Variants in SPARCL1 observed in about 807,000 individuals in gnomAD.
SPARCL1 encodes SPARC-like protein 1.
Under a neutral mutation model 67.1 loss-of-function variants are expected in SPARCL1, and 52 were observed. That is an observed-to-expected ratio of 0.78 (90% confidence interval 0.62 to 0.98). The LOEUF (loss-of-function observed/expected upper bound fraction) is 0.98, where lower values mean the gene tolerates loss of function less well. SPARCL1 is among the 50% of genes least tolerant of loss of function. The pLI, the probability that SPARCL1 is intolerant of heterozygous loss-of-function variation, is 0.00. For synonymous variants in SPARCL1, 226 were observed against 267.8 expected (o/e 0.84, Z 1.52); for missense variants, 717 against 782.4 (o/e 0.92, Z 1.00).
chr4:87,500,197 A>C (rs990956340), intron 1 of SPARCL1, among the ~76,000 whole-genome samples: 1 of 152,170 alleles, frequency 6.6e-6, no homozygotes, highest in Non-Finnish European at 1.5e-5. Context: ...CTGACCTCTT[A>C]GCAACAACAG....
At chr4:87,522,332 A>G (rs1039334659) in intron 1 of SPARCL1, among the ~76,000 whole-genome samples, 1 of 151,954 alleles carries the variant, frequency 6.6e-6, no homozygotes, top group East Asian at 1.9e-4. Flanking sequence ...ACCTACCACC[A>G]TAAGAGTCTG....
intron 1 of SPARCL1, among the ~76,000 whole-genome samples, chr4:87,502,231 A>G (rs1578106972): frequency 2.0e-5 from 3 of 152,330 alleles, no homozygotes; most frequent in Admixed American, 2.0e-4. Context: ...CATATAATGT[A>G]TAGTGATCAG....
intron 1 of SPARCL1, among the ~76,000 whole-genome samples, chr4:87,523,420 A>G (rs2110268458): frequency 6.6e-6 from 1 of 152,344 alleles, no homozygotes; most frequent in Middle Eastern, 3.4e-3. Flanking sequence ...AGTTTTAGAA[A>G]GCCACACTTA....
At chr4:87,524,965 C>T (rs1219236521) in intron 1 of SPARCL1, among the ~76,000 whole-genome samples, 1 of 152,022 alleles carries the variant, frequency 6.6e-6, no homozygotes, top group Non-Finnish European at 1.5e-5. Context: ...GAGTTTGAGA[C>T]CAGCCTGGCC....
intron 1 of SPARCL1, among the ~76,000 whole-genome samples, chr4:87,511,964 TCTC>T: frequency 8.5e-6 from 1 of 117,924 alleles, no homozygotes; most frequent in African/African-American, 3.6e-5. Context: ...CCTCTTTCTT[TCTC>T]TTTTTTTTTT....
intron 1 of SPARCL1, among the ~76,000 whole-genome samples, chr4:87,502,000 G>A (rs1181761686): frequency 1.4e-5 from 2 of 147,432 alleles, no homozygotes; most frequent in African/African-American, 5.0e-5. Context: ...ATAGGGTTTC[G>A]CCATGATACC....
At position 87,516,961 on chromosome 4, in the gene SPARCL1, A is replaced by G. The variant is rs2169500; in HGVS notation, c.-12+12084T>C. Among the ~76,000 whole-genome samples the G allele has an allele frequency of 5.3e-3, 809 of 152,134 alleles. 6 individuals carry two copies. Among genetic ancestry groups the G allele is most frequent in the African/African-American group, 0.018 (765 of 41,484 alleles). On this transcript the variant is annotated intron_variant, in intron 1 of 10. Transcript: ENST00000282470. ...AGATGGGATGGATCCATCCAGGGAGACAGTTGCCTGTTCTTTTTCTCAGAC... is the reference window on the plus strand; with the variant it reads ...AGATGGGATGGATCCATCCAGGGAGGCAGTTGCCTGTTCTTTTTCTCAGAC...
intron 1 of SPARCL1, among the ~76,000 whole-genome samples, chr4:87,509,028 CTATA>C (rs1022178121): frequency 1.4e-5 from 2 of 147,010 alleles, no homozygotes; most frequent in African/African-American, 5.0e-5. Context: ...ATACATGTAT[CTATA>C]TATGTATTAT....
At chr4:87,520,035 T>C (rs749857472) in intron 1 of SPARCL1, among the ~76,000 whole-genome samples, 1 of 151,836 alleles carries the variant, frequency 6.6e-6, no homozygotes, top group Non-Finnish European at 1.5e-5. Context: ...AGGCCAGAAG[T>C]TCAAGACCAG....
intron 1 of SPARCL1, among the ~76,000 whole-genome samples, chr4:87,517,084 A>G (rs145856100): frequency 1.5e-3 from 223 of 152,302 alleles, no homozygotes; most frequent in African/African-American, 5.3e-3. Context: ...CTCAAGTCCT[A>G]CTATGGTATC....
chr4:87,496,736 A>G (rs1346681630), intron 2 of SPARCL1, among the ~76,000 whole-genome samples: 1 of 152,204 alleles, frequency 6.6e-6, no homozygotes, highest in Admixed American at 6.5e-5. Context: ...TATTAGAGAG[A>G]TACTCTGGAC....
At chr4:87,503,239 C>G (rs938064813) in intron 1 of SPARCL1, among the ~76,000 whole-genome samples, 1 of 152,208 alleles carries the variant, frequency 6.6e-6, no homozygotes, top group Non-Finnish European at 1.5e-5. Flanking sequence ...ATTTCAGCCT[C>G]TATCCTCACC....
At chr4:87,480,045 T>C (rs916736612) in intron 9 of SPARCL1, among the ~76,000 whole-genome samples, 2 of 151,952 alleles carry the variant, frequency 1.3e-5, no homozygotes, top group African/African-American at 2.4e-5. Context: ...TTTTTTTTAA[T>C]GAATATTACA....
At chr4:87,501,847 A>G (rs1323226683) in intron 1 of SPARCL1, among the ~76,000 whole-genome samples, 1 of 152,044 alleles carries the variant, frequency 6.6e-6, no homozygotes, top group Non-Finnish European at 1.5e-5. Context: ...AATTTATATT[A>G]GTTAAATATC....
At chr4:87,481,404 C>T (rs1477192773) in intron 8 of SPARCL1, among the ~76,000 whole-genome samples, 1 of 152,170 alleles carries the variant, frequency 6.6e-6, no homozygotes, top group East Asian at 1.9e-4. Context: ...CTCCAGCTGC[C>T]ACCCCATTTC....
At chr4:87,485,866 G>C (rs1421309391) in intron 7 of SPARCL1, among the ~76,000 whole-genome samples, 3 of 152,132 alleles carry the variant, frequency 2.0e-5, no homozygotes, top group African/African-American at 7.2e-5. Context: ...GGTGTTTATA[G>C]TATTCTCTGA....
intron 2 of SPARCL1, chr4:87,497,216 C>T: frequency 1.0e-6 from 1 of 985,240 alleles, no homozygotes. Flanking sequence ...TGGTTTGCTC[C>T]TTTGCTTCTT....
intron 2 of SPARCL1, among the ~76,000 whole-genome samples, chr4:87,495,725 T>A (rs1724588008): frequency 6.6e-6 from 1 of 151,082 alleles, no homozygotes; most frequent in Non-Finnish European, 1.5e-5. Context: ...AGGGCAGGAG[T>A]TCAAGACTAG....
intron 8 of SPARCL1, among the ~76,000 whole-genome samples, chr4:87,480,820 C>CCTTTTTTTTTTT (rs59503255): frequency 7.5e-6 from 1 of 133,384 alleles, no homozygotes; most frequent in Non-Finnish European, 1.7e-5. Context: ...ATGTTCGCTG[C>CCTTTTTTTTTTT]TTTTTTTTTT....
Sources: allele counts gnomAD v4.1 joint callset (sites outside exome capture counted in the v4.1 genomes callset), GRCh38; gene constraint gnomAD v4.1.1; transcripts MANE v1.5; gene names NCBI Gene and HGNC (gene_info 2026-07-23, HGNC 2026-07-21).